The following FANCL variants were observed in gnomAD, a reference collection of about 807,000 sequenced individuals.
FANCL encodes FA complementation group L, also known as E3 ubiquitin-protein ligase FANCL.
A neutral mutation model predicts 59.4 loss-of-function variants in FANCL; 69 were observed. The ratio of observed to expected loss-of-function variants is 1.16; its 90% CI spans 0.96 to 1.42. FANCL has a LOEUF of 1.42. Among genes scored for constraint, FANCL ranks in the 40% most tolerant of loss-of-function variants. The pLI is 0.00. For missense variants in FANCL, 519 were observed against 447.2 expected, an observed-to-expected ratio of 1.16 and a Z score of -1.45; for synonymous variants, 180 against 147.1, an observed-to-expected ratio of 1.22 and a Z score of -1.62.
At chr2:58,207,590 G>A (rs1690721246) in intron 5 of FANCL, among the ~76,000 whole-genome samples, 1 of 152,008 alleles carries the variant, frequency 6.6e-6, no homozygotes, top group African/African-American at 2.4e-5. Context: ...CAACTACTGA[G>A]GATTTACATT....
chr2:58,212,481 T>C (rs1691279407), intron 5 of FANCL, among the ~76,000 whole-genome samples: 1 of 152,146 alleles, frequency 6.6e-6, no homozygotes, highest in African/African-American at 2.4e-5. Flanking sequence ...AACTGGGACA[T>C]ATTTGAGACT....
intron 9 of FANCL, 127 bp downstream of exon 9, chr2:58,163,307 G>C: frequency 1.3e-6 from 1 of 787,912 alleles, no homozygotes; most frequent in South Asian, 1.6e-5. Context: ...GGCAACAAGA[G>C]CAAAACTCCG....
intron 5 of FANCL, among the ~76,000 whole-genome samples, chr2:58,216,386 T>C (rs901250389): frequency 6.6e-6 from 1 of 152,022 alleles, no homozygotes; most frequent in African/African-American, 2.4e-5. Flanking sequence ...ACAGTAAACA[T>C]AGCACTACAT....
rs1259079589 is a variant in FANCL, at chr2:58,193,847, C to A, written c.540+4747G>T. On this transcript the variant is annotated intron_variant, in intron 7 of 13. Transcript: ENST00000233741. ...TGAAAAGAAAAAAGGTTCACCATTTCCATATACAGTACATACGAACTGAGG... is the reference window on the plus strand; with the variant it reads ...TGAAAAGAAAAAAGGTTCACCATTTACATATACAGTACATACGAACTGAGG... Among the ~76,000 whole-genome samples, 3 of 152,082 alleles carry A rather than the reference C, an allele frequency of 2.0e-5. No homozygotes were observed. In the East Asian group the frequency reaches 5.8e-4, roughly 29 times the overall value.
At chr2:58,224,966 G>A (rs1309605377) in intron 4 of FANCL, among the ~76,000 whole-genome samples, 1 of 151,806 alleles carries the variant, frequency 6.6e-6, no homozygotes, top group Admixed American at 6.6e-5. Context: ...TCCAGATTGA[G>A]GCATCCAAAT....
chr2:58,217,215 TACAC>T (rs368257506), intron 5 of FANCL, among the ~76,000 whole-genome samples: 347 of 20,536 alleles, frequency 0.017, 7 homozygotes, highest in African/African-American at 0.036. Flanking sequence ...TATATATATA[TACAC>T]ACACACACAC....
intron 7 of FANCL, among the ~76,000 whole-genome samples, chr2:58,179,553 C>T (rs573885787): frequency 2.0e-5 from 3 of 152,168 alleles, no homozygotes; most frequent in African/African-American, 7.2e-5. Flanking sequence ...TCAAACGGGA[C>T]CCCTCCCTTA....
intron 7 of FANCL, among the ~76,000 whole-genome samples, chr2:58,175,408 C>G (rs1459074265): frequency 1.3e-5 from 2 of 150,582 alleles, no homozygotes; most frequent in African/African-American, 5.0e-5. Flanking sequence ...AAACAAAATC[C>G]AGCAGCACAT....
intron 7 of FANCL, among the ~76,000 whole-genome samples, chr2:58,187,281 T>C (rs781142304): frequency 1.3e-5 from 2 of 152,042 alleles, no homozygotes; most frequent in African/African-American, 2.4e-5. Flanking sequence ...CGGATGAAGC[T>C]GGAAACTATC....
chr2:58,165,923 G>C, intron 7 of FANCL, 49 bp from the exon 8 acceptor site: 1 of 1,570,276 alleles, frequency 6.4e-7, no homozygotes, highest in South Asian at 1.1e-5. Context: ...TCTACCAATA[G>C]CAGATAATCT....
At chr2:58,229,985 G>A (rs1382676659) in intron 2 of FANCL, 111 bp from the exon 3 acceptor site, 5 of 786,412 alleles carry the variant, frequency 6.4e-6, no homozygotes, top group Non-Finnish European at 8.7e-6. Context: ...ACATAATTTG[G>A]ACAAGTTAAT....
At chr2:58,176,096 A>C (rs1397795819) in intron 7 of FANCL, among the ~76,000 whole-genome samples, 1 of 151,274 alleles carries the variant, frequency 6.6e-6, no homozygotes, top group Non-Finnish European at 1.5e-5. Context: ...CTCTTCAAGG[A>C]GAACTACAAA....
chr2:58,179,351 T>C (rs1687690656), intron 7 of FANCL, among the ~76,000 whole-genome samples: 1 of 152,152 alleles, frequency 6.6e-6, no homozygotes, highest in African/African-American at 2.4e-5. Flanking sequence ...AGGCATGCTG[T>C]AACCAAAACA....
chr2:58,204,007 T>C (rs1440050436), intron 6 of FANCL, 123 bp downstream of exon 6: 27 of 795,292 alleles, frequency 3.4e-5, no homozygotes, highest in African/African-American at 1.7e-5. Flanking sequence ...CCAAAATCAA[T>C]GTTTTAAAGC....
intron 5 of FANCL, among the ~76,000 whole-genome samples, chr2:58,218,783 T>G (rs1353776689): frequency 6.6e-6 from 1 of 152,010 alleles, no homozygotes; most frequent in Non-Finnish European, 1.5e-5. Context: ...TGTTGGAGTA[T>G]GAGATTTCAG....
chr2:58,222,165 G>C, intron 4 of FANCL, 123 bp from the exon 5 acceptor site: 1 of 688,808 alleles, frequency 1.5e-6, no homozygotes, highest in East Asian at 2.8e-5. Context: ...GTTTTTTTAC[G>C]GAAATCTGGC....
intron 11 of FANCL, 136 bp from the exon 12 acceptor site, chr2:58,161,774 C>T: frequency 1.5e-6 from 1 of 657,068 alleles, no homozygotes; most frequent in South Asian, 1.7e-5. Flanking sequence ...TTAAGATATT[C>T]ATCACCTCAA....
rs760281226 is a variant in FANCL at position 58,163,223 on chromosome 2, T to C, written c.776-149A>G. ...AAAAACAAAATTATACAGTTCAGAA[T>C]GCTGAGACATTGTCATTTAAAATAA... On this transcript the variant is annotated intron_variant, in intron 9 of 13. Coordinates refer to ENST00000233741, the MANE Select transcript of FANCL (RefSeq NM_018062.4). 2.1e-3 allele frequency: 1,605 copies of C among 767,328 alleles called. 8 individuals are homozygous for C. Among genetic ancestry groups the C allele is most frequent in the Non-Finnish European group, 2.0e-3 (918 of 464,872 alleles). The allele number at this position is 767,328 out of a possible 1,614,324, so 47.5% of individuals were successfully genotyped here.
intron 5 of FANCL, among the ~76,000 whole-genome samples, chr2:58,217,749 G>C (rs1573757891): frequency 6.6e-6 from 1 of 150,592 alleles, no homozygotes; most frequent in South Asian, 2.1e-4. Flanking sequence ...CATATTGGGA[G>C]AATTTAACAC....
Sources: gnomAD v4.1 joint callset for allele counts (sites outside exome capture counted in the v4.1 genomes callset) on GRCh38, gnomAD v4.1.1 for gene constraint, MANE v1.5 for transcripts, NCBI Gene and HGNC (gene_info 2026-07-23, HGNC 2026-07-21) for gene names.